The following DPP10 variants were observed in gnomAD, a reference collection of about 807,000 sequenced individuals.
DPP10 encodes inactive dipeptidyl peptidase 10.
A neutral mutation model predicts 120.9 loss-of-function variants in DPP10; 33 were observed. The observed-to-expected ratio is 0.27, with a 90% CI of 0.21 to 0.37. The LOEUF (loss-of-function observed/expected upper bound fraction) is 0.37. Among genes scored for constraint, DPP10 ranks in the 10% least tolerant of loss-of-function variants. The probability of loss-of-function intolerance (pLI) is 1.00; values close to 1 mark genes in which losing one functional copy is unlikely to be tolerated. For missense variants in DPP10, 816 were observed against 942.8 expected, an observed-to-expected ratio of 0.87 and a Z score of 1.76; for synonymous variants, 337 against 326.1, an observed-to-expected ratio of 1.03 and a Z score of -0.36.
At chr2:115,390,010 T>C (rs1574678312) in intron 3 of DPP10, among the ~76,000 whole-genome samples, 1 of 152,328 alleles carries the variant, frequency 6.6e-6, no homozygotes, top group Middle Eastern at 3.4e-3. Context: ...TGGGTATTTC[T>C]TTGTTAGAGA....
intron 2 of DPP10, among the ~76,000 whole-genome samples, chr2:115,321,268 T>C (rs767556055): frequency 1.7e-4 from 26 of 152,026 alleles, no homozygotes; most frequent in Non-Finnish European, 3.2e-4. Context: ...GCCATTGCAC[T>C]CCAGCCTGGG....
At chr2:114,589,402 A>T (rs146564962) in intron 1 of DPP10, among the ~76,000 whole-genome samples, 5 of 152,236 alleles carry the variant, frequency 3.3e-5, no homozygotes, top group African/African-American at 1.2e-4. Context: ...AACAGATATA[A>T]CGTGAATTCT....
At position 115,525,984 on chromosome 2, in the gene DPP10, A is replaced by T. The variant is rs1575095770; in HGVS notation, c.441+12A>T. On this transcript the variant is annotated intron_variant, in intron 5 of 25. Coordinates refer to ENST00000410059, the MANE Select transcript of DPP10 (RefSeq NM_020868.6). ...ATGATGTCAAACAGGTAAAGGAGTG[A>T]TCTTCTTTGAGAATACTTTTCTTTG... 9.4e-6 allele frequency: 15 copies of T among 1,587,610 alleles called. No individual in the cohort carries two copies. In the East Asian group the frequency reaches 3.4e-4, roughly 36 times the overall value.
At chr2:115,740,953 T>C (rs962145009) in intron 9 of DPP10, among the ~76,000 whole-genome samples, 1 of 152,120 alleles carries the variant, frequency 6.6e-6, no homozygotes, top group Non-Finnish European at 1.5e-5. Context: ...AGTTGTACTT[T>C]GTCTTTTTCA....
At chr2:115,437,138 T>TAC (rs1233575202) in intron 3 of DPP10, among the ~76,000 whole-genome samples, 1 of 151,990 alleles carries the variant, frequency 6.6e-6, no homozygotes, top group Non-Finnish European at 1.5e-5. Flanking sequence ...TCTGGCCTCT[T>TAC]ACATGATTTC....
intron 1 of DPP10, among the ~76,000 whole-genome samples, chr2:114,630,920 A>T (rs557180293): frequency 5.9e-5 from 9 of 152,008 alleles, no homozygotes; most frequent in Non-Finnish European, 1.3e-4. Context: ...ACTATCTGGA[A>T]CATTTGATAT....
intron 1 of DPP10, among the ~76,000 whole-genome samples, chr2:114,464,259 G>A (rs1679168412): frequency 6.6e-6 from 1 of 152,036 alleles, no homozygotes; most frequent in African/African-American, 2.4e-5. Context: ...TATGGATATT[G>A]TCTTTTTATT....
At chr2:115,045,708 C>T (rs1705013151) in intron 1 of DPP10, among the ~76,000 whole-genome samples, 1 of 151,648 alleles carries the variant, frequency 6.6e-6, no homozygotes, top group African/African-American at 2.4e-5. Context: ...CTCTTCCATG[C>T]TTCTTTTCTT....
intron 2 of DPP10, among the ~76,000 whole-genome samples, chr2:115,331,050 A>T (rs189636679): frequency 6.6e-6 from 1 of 152,194 alleles, no homozygotes; most frequent in Non-Finnish European, 1.5e-5. Flanking sequence ...GATTCTTCCT[A>T]TCCATGGGCA....
chr2:115,138,375 T>A (rs376935027), intron 1 of DPP10, among the ~76,000 whole-genome samples: 1 of 152,216 alleles, frequency 6.6e-6, no homozygotes, highest in Non-Finnish European at 1.5e-5. Context: ...TCCTGGTGTT[T>A]AAAATTGATT....
At chr2:115,361,178 G>A (rs1458512259) in intron 3 of DPP10, among the ~76,000 whole-genome samples, 1 of 151,938 alleles carries the variant, frequency 6.6e-6, no homozygotes, top group African/African-American at 2.4e-5. Flanking sequence ...GCCATCCCAT[G>A]ATCCCACACC....
At chr2:114,645,982 A>G (rs1476276717) in intron 1 of DPP10, among the ~76,000 whole-genome samples, 2 of 152,018 alleles carry the variant, frequency 1.3e-5, no homozygotes, top group African/African-American at 4.8e-5. Context: ...CAACATGGTG[A>G]AACCCTGTCT....
intron 3 of DPP10, among the ~76,000 whole-genome samples, chr2:115,435,274 A>G (rs978548319): frequency 2.6e-5 from 4 of 151,728 alleles, no homozygotes; most frequent in Admixed American, 2.6e-4. Flanking sequence ...CTTGTTTTTC[A>G]TAGTGGCTGT....
intron 3 of DPP10, among the ~76,000 whole-genome samples, chr2:115,498,816 C>A (rs939949607): frequency 2.0e-5 from 3 of 151,328 alleles, no homozygotes; most frequent in African/African-American, 7.3e-5. Context: ...TTTTAATTTT[C>A]TAACAAATAT....
rs772146022 is a variant in DPP10, at chr2:114,961,033, C to CTTTTTTTTTTTTTTTTTT, written c.61-348186_61-348169dup. Reference sequence around the variant, plus strand: ...AATAATTCTCTACATCTCTATACGCCTTTTTTTTTTTTTTTTTTTTTTTTT... The same window carrying CTTTTTTTTTTTTTTTTTT: ...AATAATTCTCTACATCTCTATACGCCTTTTTTTTTTTTTTTTTTTTTTTTTTTTTTTTTTTTTTTTTTT... On this transcript the variant is annotated intron_variant, in intron 1 of 25. Transcript: ENST00000410059. Among the ~76,000 whole-genome samples, 3 of 52,028 alleles carry CTTTTTTTTTTTTTTTTTT rather than the reference C, an allele frequency of 5.8e-5. 1 individual carries two copies. The highest frequency in any genetic ancestry group is 2.2e-4 in the African/African-American group (3 of 13,414). 34.1% of individuals were successfully genotyped at this position (52,028 alleles called of 152,430 possible).
chr2:115,338,510 G>A (rs1396462083), intron 2 of DPP10, among the ~76,000 whole-genome samples: 7 of 151,950 alleles, frequency 4.6e-5, no homozygotes, highest in African/African-American at 1.5e-4. Flanking sequence ...GTGAAGTGGC[G>A]CAGTGGCACA....
intron 1 of DPP10, among the ~76,000 whole-genome samples, chr2:114,936,810 T>G (rs1696522302): frequency 6.6e-6 from 1 of 152,190 alleles, no homozygotes. Context: ...GTTATCACAT[T>G]GTGATTTTGA....
chr2:115,486,787 A>C (rs1447621334), intron 3 of DPP10, among the ~76,000 whole-genome samples: 3 of 152,162 alleles, frequency 2.0e-5, no homozygotes, highest in African/African-American at 7.2e-5. Flanking sequence ...TAATCCAAAG[A>C]ATGAAATGGT....
intron 1 of DPP10, among the ~76,000 whole-genome samples, chr2:115,071,359 A>G (rs1408287712): frequency 1.3e-5 from 2 of 152,178 alleles, no homozygotes; most frequent in Admixed American, 1.3e-4. Flanking sequence ...TTAAAACCCC[A>G]GGGGTTTGGT....
Sources: gnomAD v4.1 joint callset for allele counts (sites outside exome capture counted in the v4.1 genomes callset) on GRCh38, gnomAD v4.1.1 for gene constraint, MANE v1.5 for transcripts, NCBI Gene and HGNC (gene_info 2026-07-23, HGNC 2026-07-21) for gene names.